ADCY8: variants seen among roughly 807,000 people sequenced by gnomAD.
ADCY8 encodes the protein adenylate cyclase 8, also known as adenylate cyclase type 8.
In ADCY8, 51 loss-of-function variants were observed where a neutral mutation model predicts 119.7. That is an observed-to-expected ratio of 0.43 (90% CI 0.34 to 0.54). ADCY8 has a LOEUF of 0.54. Ranked by LOEUF, ADCY8 falls within the 20% of genes least tolerant of loss-of-function variation. ADCY8 has a pLI of 0.03. For missense variants in ADCY8, 1,383 were observed against 1,598.8 expected, an observed-to-expected ratio of 0.87 and a Z score of 2.30; for synonymous variants, 665 against 651.0, an observed-to-expected ratio of 1.02 and a Z score of -0.33.
At chr8:130,882,750 G>A (rs2130454208) in intron 8 of ADCY8, among the ~76,000 whole-genome samples, 1 of 152,272 alleles carries the variant, frequency 6.6e-6, no homozygotes, top group South Asian at 2.1e-4. Flanking sequence ...AATAGTGCCT[G>A]GTACTTGGTA....
At chr8:130,932,699 T>C (rs1820666845) in intron 5 of ADCY8, among the ~76,000 whole-genome samples, 1 of 152,228 alleles carries the variant, frequency 6.6e-6, no homozygotes, top group Non-Finnish European at 1.5e-5. Flanking sequence ...CTCAAATTGA[T>C]GTTTCTGTTA....
intron 2 of ADCY8, among the ~76,000 whole-genome samples, chr8:130,988,645 T>G (rs1822478788): frequency 6.6e-6 from 1 of 152,204 alleles, no homozygotes; most frequent in Admixed American, 6.5e-5. Context: ...CACTAAATTC[T>G]AGTTGTCACT....
At chr8:130,853,675 G>T (rs1048748822) in intron 9 of ADCY8, among the ~76,000 whole-genome samples, 1 of 151,842 alleles carries the variant, frequency 6.6e-6, no homozygotes, top group African/African-American at 2.4e-5. Context: ...TGTGTGGGAG[G>T]ATTTGCACAC....
intron 14 of ADCY8, among the ~76,000 whole-genome samples, chr8:130,812,576 C>T (rs970076967): frequency 6.6e-6 from 1 of 152,184 alleles, no homozygotes; most frequent in Non-Finnish European, 1.5e-5. Context: ...TGGCCACAGC[C>T]AAGAAACTCC....
chr8:130,782,567 G>T (rs1815118326), intron 17 of ADCY8, among the ~76,000 whole-genome samples: 1 of 152,152 alleles, frequency 6.6e-6, no homozygotes, highest in South Asian at 2.1e-4. Context: ...CCCTGATTTG[G>T]CAACATCTTC....
chr8:131,036,532 T>C (rs1389655416), intron 1 of ADCY8, among the ~76,000 whole-genome samples: 1 of 152,210 alleles, frequency 6.6e-6, no homozygotes, highest in East Asian at 1.9e-4. Context: ...TAAAATGCTA[T>C]TTATGATAGA....
intron 5 of ADCY8, among the ~76,000 whole-genome samples, chr8:130,926,753 C>A (rs1820478452): frequency 6.6e-6 from 1 of 151,980 alleles, no homozygotes; most frequent in Non-Finnish European, 1.5e-5. Flanking sequence ...CTCCAACCAC[C>A]CCTAGACCCT....
Position 130,960,110 on chromosome 8 carries a change from A to T in ADCY8, c.1111-8112T>A, listed in dbSNP as rs143489456. Among the ~76,000 whole-genome samples, 1,093 of 152,312 alleles carry T rather than the reference A, an allele frequency of 7.2e-3. 19 individuals carry two copies. Among genetic ancestry groups the T allele is most frequent in the African/African-American group, 0.024 (1,013 of 41,570 alleles). On this transcript the variant is annotated intron_variant, in intron 2 of 17. Coordinates refer to ENST00000286355, the MANE Select transcript of ADCY8 (RefSeq NM_001115.3). ...GGTGAAGGAAACTTAGACCAAATTC[A>T]TGGCAGTGGAGATGGAGAAACATGG... is the stretch of plus-strand genomic sequence containing the variant.
intron 2 of ADCY8, among the ~76,000 whole-genome samples, chr8:130,988,796 A>G (rs926453502): frequency 1.3e-5 from 2 of 152,234 alleles, no homozygotes; most frequent in African/African-American, 4.8e-5. Flanking sequence ...AGCTTGAAGG[A>G]TGAGAAAAGA....
chr8:130,864,942 T>C (rs1402363588), intron 9 of ADCY8, among the ~76,000 whole-genome samples: 2 of 152,186 alleles, frequency 1.3e-5, no homozygotes, highest in African/African-American at 4.8e-5. Context: ...TATCAGGTAA[T>C]AGAAAATGAA....
At chr8:130,847,362 T>G in intron 11 of ADCY8, 62 bp downstream of exon 11, 1 of 1,267,384 alleles carries the variant, frequency 7.9e-7, no homozygotes, top group Non-Finnish European at 1.1e-6. Context: ...TCTTGTTTAT[T>G]TGGAGCTGGT....
chr8:131,035,131 T>C (rs995054795), intron 1 of ADCY8, among the ~76,000 whole-genome samples: 1 of 152,134 alleles, frequency 6.6e-6, no homozygotes, highest in Non-Finnish European at 1.5e-5. Context: ...GTTTATGATG[T>C]GGAAAAAATA....
chr8:130,817,216 GA>G, intron 13 of ADCY8, among the ~76,000 whole-genome samples: 1 of 152,286 alleles, frequency 6.6e-6, no homozygotes, highest in African/African-American at 2.4e-5. Context: ...TTGGGGAAGA[GA>G]AAAAGGAGCT....
In ADCY8 at chr8:130,883,908, C is replaced by G. The variant is rs560463324; in HGVS notation, c.2109+656G>C. On this transcript the variant is annotated intron_variant, in intron 8 of 17. Transcript: ENST00000286355. ...ATCAAGGTGTTGCCCTGAAGACTTTCATATTAACTGTGAGGTAGGTGCATT... is the reference window on the plus strand; with the variant it reads ...ATCAAGGTGTTGCCCTGAAGACTTTGATATTAACTGTGAGGTAGGTGCATT... 4.0e-4 allele frequency among the ~76,000 whole-genome samples: 61 copies of G among 152,290 alleles called. No homozygotes were observed. In the Middle Eastern group the frequency reaches 0.024, roughly 59 times the overall value.
intron 2 of ADCY8, among the ~76,000 whole-genome samples, chr8:130,979,248 G>A (rs1323629225): frequency 6.6e-6 from 1 of 152,160 alleles, no homozygotes; most frequent in East Asian, 1.9e-4. Flanking sequence ...GCCTTCATTG[G>A]AAGCTGGCAC....
intron 11 of ADCY8, among the ~76,000 whole-genome samples, chr8:130,837,094 T>C (rs557431885): frequency 3.2e-4 from 49 of 152,274 alleles, no homozygotes; most frequent in African/African-American, 1.1e-3. Flanking sequence ...TCTGTCTTAG[T>C]TCTCACCAAC....
chr8:130,915,716 A>C (rs1343238525), intron 5 of ADCY8, among the ~76,000 whole-genome samples: 1 of 152,168 alleles, frequency 6.6e-6, no homozygotes, highest in African/African-American at 2.4e-5. Context: ...CCATTTTTCA[A>C]TTGCACAGAT....
At chr8:130,968,740 G>T (rs939292055) in intron 2 of ADCY8, among the ~76,000 whole-genome samples, 1 of 151,738 alleles carries the variant, frequency 6.6e-6, no homozygotes, top group Non-Finnish European at 1.5e-5. Context: ...ATGAAATAAA[G>T]AGGAAGGCAC....
intron 10 of ADCY8, among the ~76,000 whole-genome samples, 188 bp from the exon 11 acceptor site, chr8:130,847,701 T>G (rs1246059155): frequency 6.6e-6 from 1 of 152,076 alleles, no homozygotes. Flanking sequence ...TTGATTTCTT[T>G]TATTTAAAAA....
Sources: gnomAD v4.1 joint callset for allele counts (sites outside exome capture counted in the v4.1 genomes callset) on GRCh38, gnomAD v4.1.1 for gene constraint, MANE v1.5 for transcripts, NCBI Gene and HGNC (gene_info 2026-07-23, HGNC 2026-07-21) for gene names.